AMBRA1: variants seen among roughly 807,000 people sequenced by gnomAD.
AMBRA1 encodes the protein autophagy and beclin 1 regulator 1.
AMBRA1 carries 47 observed loss-of-function variants against 125.4 expected under a neutral mutation model. The ratio of observed to expected loss-of-function variants is 0.37; its 90% confidence interval spans 0.30 to 0.48. The LOEUF is 0.48. AMBRA1 is among the 20% of genes least tolerant of loss of function. The probability of loss-of-function intolerance (pLI) is 0.99; values close to 1 mark genes in which losing one functional copy is unlikely to be tolerated. For missense variants in AMBRA1, 1,331 were observed against 1,693.4 expected, an observed-to-expected ratio of 0.79 and a Z score of 3.76; for synonymous variants, 626 against 655.5, an observed-to-expected ratio of 0.95 and a Z score of 0.69.
chr11:46,568,568 T>C (rs1019213928), intron 1 of AMBRA1, among the ~76,000 whole-genome samples: 3 of 150,854 alleles, frequency 2.0e-5, no homozygotes, highest in Non-Finnish European at 4.4e-5. Context: ...AGGTCAGGAG[T>C]TTGAGACCAG....
intron 7 of AMBRA1, among the ~76,000 whole-genome samples, chr11:46,525,116 CATAG>C (rs1188796887): frequency 2.0e-5 from 3 of 151,352 alleles, no homozygotes; most frequent in Non-Finnish European, 4.4e-5. Flanking sequence ...CTCGGGCAAC[CATAG>C]GGAGACCTCA....
intron 5 of AMBRA1, among the ~76,000 whole-genome samples, chr11:46,544,634 C>G (rs933627784): frequency 2.6e-5 from 4 of 152,310 alleles, no homozygotes; most frequent in Middle Eastern, 6.8e-3. Flanking sequence ...AGACAACCCA[C>G]CAAGGTATCT....
At chr11:46,447,724 A>C (rs1948368067) in intron 11 of AMBRA1, among the ~76,000 whole-genome samples, 1 of 26,436 alleles carries the variant, frequency 3.8e-5, no homozygotes. Flanking sequence ...AGATAGATAG[A>C]TAGATAGATA....
intron 7 of AMBRA1, among the ~76,000 whole-genome samples, chr11:46,538,749 C>T (rs1303925651): frequency 1.3e-5 from 2 of 152,164 alleles, no homozygotes; most frequent in Non-Finnish European, 2.9e-5. Flanking sequence ...CTGCCTGCTT[C>T]GGCCTCTCAA....
Position 46,434,964 on chromosome 11 carries a change from C to T in AMBRA1, c.2706G>A (p.Gln902=), listed in dbSNP as rs748961195. Residue 902 remains glutamine (Q), a synonymous_variant, in exon 13 of 18, where the codon CAG becomes CAA. Transcript: ENST00000683756. The part of the protein sequence containing the change: ...DASCDISADG[Q]LLAAFIPSSQ... The stretch of plus-strand genomic sequence containing the variant: ...TGCTGGGGATGAAAGCTGCCAGGAG[C>T]TGGCCATCTGCAGAAATGTCACAGC... The T allele has an allele frequency of 2.5e-6, 4 of 1,613,810 alleles. No homozygotes were observed. Among genetic ancestry groups the T allele is most frequent in the Non-Finnish European group, 3.4e-6 (4 of 1,179,930 alleles).
chr11:46,439,493 G>A (rs1216842622), intron 12 of AMBRA1, among the ~76,000 whole-genome samples: 1 of 152,066 alleles, frequency 6.6e-6, no homozygotes, highest in Non-Finnish European at 1.5e-5. Flanking sequence ...GCCATATGGG[G>A]GGGAAATTGG....
intron 9 of AMBRA1, among the ~76,000 whole-genome samples, chr11:46,498,204 G>A (rs78627461): frequency 0.014 from 2,143 of 152,210 alleles, 28 homozygotes; most frequent in Non-Finnish European, 0.02. Flanking sequence ...GCTAAATACC[G>A]GGCTCTAACA....
intron 11 of AMBRA1, among the ~76,000 whole-genome samples, chr11:46,443,902 A>G (rs888741463): frequency 1.3e-5 from 2 of 152,236 alleles, no homozygotes. Flanking sequence ...TAGGCTCAAC[A>G]TCTAAAAGAG....
chr11:46,474,069 C>G (rs1949716173), intron 11 of AMBRA1, among the ~76,000 whole-genome samples: 1 of 151,748 alleles, frequency 6.6e-6, no homozygotes, highest in African/African-American at 2.4e-5. Flanking sequence ...CCAATGAATA[C>G]ACACAAACTT....
intron 1 of AMBRA1, among the ~76,000 whole-genome samples, chr11:46,552,647 C>G (rs1250412280): frequency 6.7e-6 from 1 of 149,584 alleles, no homozygotes; most frequent in Non-Finnish European, 1.5e-5. Flanking sequence ...CCATTGCACT[C>G]CAGCCTGGGC....
Position 46,548,337 on chromosome 11 carries a change from C to T in AMBRA1, c.44G>A (p.Gly15Glu), listed in dbSNP as rs200949868. The T allele has an allele frequency of 8.1e-6, 13 of 1,614,112 alleles. No homozygotes were observed. The highest frequency in any genetic ancestry group is 1.0e-5 in the Non-Finnish European group (12 of 1,180,038). The part of the protein sequence containing the change: ...PEKNAVRILW[G>E]RERGARAMGA... The stretch of plus-strand genomic sequence containing the variant: ...CATGGCCCGAGCACCCCGTTCTCGC[C>T]CCCAGAGTATCCGGACAGCATTCTT... Residue 15 changes from glycine (G) to glutamate (E), a missense_variant, in exon 2 of 18, where the codon GGG becomes GAG. This residue lies in a region of AMBRA1 where 144 missense variants were observed against 250.4 expected (regional missense o/e 0.58). Coordinates refer to ENST00000683756, the MANE Select transcript of AMBRA1 (RefSeq NM_001387011.1).
intron 17 of AMBRA1, among the ~76,000 whole-genome samples, chr11:46,406,547 G>T (rs867951921): frequency 6.6e-6 from 1 of 151,654 alleles, no homozygotes; most frequent in Non-Finnish European, 1.5e-5. Flanking sequence ...CTCTTCCAGT[G>T]ACTGCTATTT....
intron 9 of AMBRA1, among the ~76,000 whole-genome samples, chr11:46,502,798 C>T (rs1421111761): frequency 2.0e-5 from 3 of 152,116 alleles, no homozygotes; most frequent in Admixed American, 6.5e-5. Flanking sequence ...TGGTGGCTCA[C>T]GCCTGTAATC....
chr11:46,495,690 T>G (rs900006021), intron 9 of AMBRA1, among the ~76,000 whole-genome samples: 1 of 152,210 alleles, frequency 6.6e-6, no homozygotes, highest in East Asian at 1.9e-4. Flanking sequence ...AAATTATACA[T>G]GTACACAGAG....
intron 1 of AMBRA1, among the ~76,000 whole-genome samples, chr11:46,575,994 G>A (rs2043948762): frequency 6.6e-6 from 1 of 152,104 alleles, no homozygotes; most frequent in Non-Finnish European, 1.5e-5. Flanking sequence ...ATTTTTATAG[G>A]AAAGAGATTG....
In AMBRA1 at chr11:46,433,541, G is replaced by C; in HGVS notation, c.2909C>G (p.Ser970Cys). 6.2e-7 allele frequency: 1 copy of C among 1,614,212 alleles called. No homozygotes were observed. The highest frequency in any genetic ancestry group is 1.1e-5 in the South Asian group (1 of 91,086). Reference sequence around the variant, plus strand: ...GACCTGGGCCACCATGTGCTCTGTGGAGGGGTGCAGCAGGATCCTTCGTGA... The same window carrying C: ...GACCTGGGCCACCATGTGCTCTGTGCAGGGGTGCAGCAGGATCCTTCGTGA... ...LASRRILLHP[S>C]TEHMVAQVFR... The change falls in exon 14 of 18, where the codon TCC becomes TGC. Residue 970 changes from serine to cysteine, a missense_variant. Physicochemically the swap from Ser to Cys is moderately radical, Grantham distance 112. Around this residue, in one of 4 missense-constraint regions of AMBRA1, gnomAD observed 354 missense variants for 532.7 expected, o/e 0.66. Coordinates refer to ENST00000683756, the MANE Select transcript of AMBRA1 (RefSeq NM_001387011.1).
intron 8 of AMBRA1, among the ~76,000 whole-genome samples, chr11:46,512,450 A>G (rs1157579559): frequency 6.6e-6 from 1 of 152,188 alleles, no homozygotes; most frequent in African/African-American, 2.4e-5. Context: ...AGAGTATCCT[A>G]TGACTACCTG....
At chr11:46,563,655 T>G (rs1253256105) in intron 1 of AMBRA1, among the ~76,000 whole-genome samples, 1 of 148,390 alleles carries the variant, frequency 6.7e-6, no homozygotes, top group South Asian at 2.2e-4. Flanking sequence ...GCCTGGCCAA[T>G]GTAGTGAAAC....
chr11:46,587,990 G>A (rs2044462703), intron 1 of AMBRA1, among the ~76,000 whole-genome samples: 1 of 152,174 alleles, frequency 6.6e-6, no homozygotes, highest in Non-Finnish European at 1.5e-5. Context: ...GAGAAGTGAA[G>A]ATTATTAACC....
Sources: allele counts gnomAD v4.1 joint callset (sites outside exome capture counted in the v4.1 genomes callset), GRCh38; gene constraint gnomAD v4.1.1; regional missense constraint gnomAD v4.1.1; transcripts MANE v1.5; gene names NCBI Gene and HGNC (gene_info 2026-07-23, HGNC 2026-07-21).